The following NODAL variants were observed in gnomAD, a reference collection of about 807,000 sequenced individuals.
The protein encoded by NODAL is nodal growth differentiation factor, also known as nodal homolog.
A neutral mutation model predicts 34.0 loss-of-function variants in NODAL; 12 were observed. The ratio of observed to expected loss-of-function variants is 0.35; its 90% CI spans 0.23 to 0.57. The LOEUF (loss-of-function observed/expected upper bound fraction) is 0.57. NODAL is among the 20% of genes least tolerant of loss of function. The pLI is 0.83. For synonymous variants in NODAL, 162 were observed against 186.4 expected (o/e 0.87, Z 1.07); for missense variants, 390 against 444.2 (o/e 0.88, Z 1.10).
upstream of NODAL, among the ~76,000 whole-genome samples, chr10:70,443,520 T>TA (rs912578252): frequency 3.3e-3 from 484 of 146,264 alleles, 3 homozygotes; most frequent in African/African-American, 0.01. Context: ...AGACCCTCTT[T>TA]AAAAAAAAAA....
Position 70,435,353 on chromosome 10 carries a change from C to T in NODAL, c.824G>A (p.Arg275His), listed in dbSNP as rs555563029. The T allele has an allele frequency of 1.2e-5, 19 of 1,614,190 alleles. No individual in the cohort carries two copies. The highest frequency in any genetic ancestry group is 1.7e-5 in the Admixed American group (1 of 60,024). Residue 275 changes from arginine to histidine, a missense_variant, in exon 2 of 3, where the codon CGC (arginine) becomes CAC (histidine). Transcript: ENST00000287139. The part of the protein sequence containing the change: ...IIYPKQYNAY[R>H]CEGECPNPVG... ...AGGATTAGGACACTCGCCCTCACAG[C>T]GATAGGCGTTGTACTGCTTGGGGTA... is the stretch of plus-strand genomic sequence containing the variant.
intron 1 of NODAL, among the ~76,000 whole-genome samples, chr10:70,439,943 G>A (rs575787621): frequency 1.3e-5 from 2 of 152,318 alleles, no homozygotes; most frequent in South Asian, 2.1e-4. Flanking sequence ...GCAGTGGCGC[G>A]CGCCTGTAGT....
At chr10:70,441,239 T>C (rs1845426277) in intron 1 of NODAL, among the ~76,000 whole-genome samples, 1 of 152,206 alleles carries the variant, frequency 6.6e-6, no homozygotes, top group Non-Finnish European at 1.5e-5. Flanking sequence ...CCCTGAACGC[T>C]AGAATCCCTT....
chr10:70,443,634 G>A (rs1468008539), upstream of NODAL, among the ~76,000 whole-genome samples: 3 of 152,114 alleles, frequency 2.0e-5, no homozygotes, highest in African/African-American at 7.2e-5. Context: ...GAGGTCGGGG[G>A]TTTGAGACCA....
At position 70,432,795 on chromosome 10, in the gene NODAL, GC is replaced by G; in HGVS notation, c.*140del. ...GAGCCCTTCATTTACAGAGTGGGCA[GC>G]CCCTCCTCTTCAGTTCTGGTGGGCA... On this transcript the variant is annotated 3_prime_UTR_variant, in exon 3 of 3. Transcript: ENST00000287139. The G allele has an allele frequency of 6.4e-6, 6 of 931,268 alleles. No individual in the cohort carries two copies. 57.7% of individuals were successfully genotyped at this position (931,268 alleles called of 1,614,324 possible).
rs868867228 is a variant in NODAL at position 70,432,477 on chromosome 10, A to G, written c.*459T>C. 2 of 272,302 alleles carry G rather than the reference A, an allele frequency of 7.3e-6. No homozygotes were observed. Among genetic ancestry groups the G allele is most frequent in the South Asian group, 8.5e-5 (2 of 23,432 alleles). The allele number at this position is 272,302 out of a possible 1,614,324, so 16.9% of individuals were successfully genotyped here. On this transcript the variant is annotated 3_prime_UTR_variant, in exon 3 of 3. Coordinates refer to ENST00000287139, the MANE Select transcript of NODAL (RefSeq NM_018055.5). ...TTGACGGACTCTTTTTAATCTATAC[A>G]GTGATCCTTAATCTTTGGGGAGGGG...
rs140171886 is a variant in NODAL at position 70,438,694 on chromosome 10, G to A, written c.194-2711C>T. Among the ~76,000 whole-genome samples, 724 of 152,324 alleles carry A rather than the reference G, an allele frequency of 4.8e-3. 2 individuals carry two copies. Among genetic ancestry groups the A allele is most frequent in the African/African-American group, 0.016 (685 of 41,570 alleles). The stretch of plus-strand genomic sequence containing the variant: ...CAGGATGGGCAGTGGGAAAGGCTGG[G>A]TAGGGAAGAGGCTGCTCCTTCCTGC... On this transcript the variant is annotated intron_variant, in intron 1 of 2. Transcript: ENST00000287139.
chr10:70,445,730 A>G (rs1190814053), upstream of NODAL, among the ~76,000 whole-genome samples: 2 of 152,240 alleles, frequency 1.3e-5, no homozygotes, highest in Non-Finnish European at 2.9e-5. Context: ...CAAATTTACA[A>G]GTGGAAACAG....
chr10:70,440,460 C>T (rs1845413210), intron 1 of NODAL, among the ~76,000 whole-genome samples: 2 of 152,136 alleles, frequency 1.3e-5, no homozygotes, highest in South Asian at 2.1e-4. Context: ...GAAGGGCCCC[C>T]GGCACCAGGT....
At chr10:70,442,960 G>T (rs183574120), upstream of NODAL, among the ~76,000 whole-genome samples, 525 of 152,174 alleles carry the variant, frequency 3.4e-3, 7 homozygotes, top group African/African-American at 0.012. Flanking sequence ...TGTGGTGTGC[G>T]CCTGTAGTCC....
At chr10:70,446,065 A>G (rs1845484624), upstream of NODAL, among the ~76,000 whole-genome samples, 1 of 152,148 alleles carries the variant, frequency 6.6e-6, no homozygotes, top group Non-Finnish European at 1.5e-5. Flanking sequence ...AGTCACCCTC[A>G]CTTTTTAAAG....
At chr10:70,443,369 G>A (rs1057021610), upstream of NODAL, among the ~76,000 whole-genome samples, 1 of 152,076 alleles carries the variant, frequency 6.6e-6, no homozygotes, top group African/African-American at 2.4e-5. Context: ...CATCATCATC[G>A]TTGGAACCCA....
At chr10:70,447,522 CA>C (rs1845501459) in intron 1 of NODAL, among the ~76,000 whole-genome samples, 2 of 151,926 alleles carry the variant, frequency 1.3e-5, no homozygotes, top group South Asian at 4.2e-4. Context: ...CCTGTCTCTA[CA>C]AAAAATTTAA....
intron 1 of NODAL, 38 bp downstream of exon 1, chr10:70,441,437 G>C (rs1332238595): frequency 5.2e-6 from 8 of 1,543,912 alleles, no homozygotes. Flanking sequence ...AGGCGCCCCG[G>C]GGGTGCCCAG....
chr10:70,441,980 T>C (rs1845437665), upstream of NODAL, among the ~76,000 whole-genome samples: 1 of 152,176 alleles, frequency 6.6e-6, no homozygotes, highest in African/African-American at 2.4e-5. Flanking sequence ...AGAGCAGGCT[T>C]GTCCCGGCAG....
At position 70,432,576 on chromosome 10, in the gene NODAL, T is replaced by C. The variant is rs576189812; in HGVS notation, c.*360A>G. 1.4e-4 allele frequency: 49 copies of C among 354,592 alleles called. 1 individual carries two copies. Among genetic ancestry groups the C allele is most frequent in the Admixed American group, 3.9e-4 (10 of 25,864 alleles). The allele number at this position is 354,592 out of a possible 1,614,324, so 22.0% of individuals were successfully genotyped here. On this transcript the variant is annotated 3_prime_UTR_variant, in exon 3 of 3. Coordinates refer to ENST00000287139, the MANE Select transcript of NODAL (RefSeq NM_018055.5). ...GACTTCATCCCACCTCCAAAATACA[T>C]GCACATATGTCTCAACTTTCACATA...
chr10:70,436,559 A>AAAAAAG (rs1845357890), intron 1 of NODAL: 1 of 6,980 alleles, frequency 1.4e-4, no homozygotes, highest in African/African-American at 6.3e-4. Flanking sequence ...ACTCTGTCTC[A>AAAAAAG]AAAAAAAAAA....
chr10:70,445,431 G>A (rs902547392), upstream of NODAL, among the ~76,000 whole-genome samples: 2 of 152,090 alleles, frequency 1.3e-5, no homozygotes, highest in East Asian at 3.9e-4. Context: ...CTAATTTTTT[G>A]TATTTTTCAG....
intron 1 of NODAL, among the ~76,000 whole-genome samples, chr10:70,439,151 C>T (rs905015945): frequency 9.2e-5 from 14 of 152,096 alleles, no homozygotes; most frequent in East Asian, 1.9e-4. Context: ...ACTACAGGTG[C>T]GCGCCACCAT....
Sources: allele counts gnomAD v4.1 joint callset (sites outside exome capture counted in the v4.1 genomes callset), GRCh38; gene constraint gnomAD v4.1.1; transcripts MANE v1.5; gene names NCBI Gene and HGNC (gene_info 2026-07-23, HGNC 2026-07-21).